The following CRAT variants were observed in gnomAD, a reference collection of about 807,000 sequenced individuals.
CRAT encodes carnitine acetylase.
A neutral mutation model predicts 73.7 loss-of-function variants in CRAT; 66 were observed. That is an observed-to-expected ratio of 0.90 (90% CI 0.73 to 1.10). CRAT has a LOEUF of 1.10. Among genes scored for constraint, CRAT ranks in the 50% least tolerant of loss-of-function variants. The pLI is 0.00. For missense variants in CRAT, 745 were observed against 846.9 expected (o/e 0.88, Z 1.49); for synonymous variants, 321 against 343.2 (o/e 0.94, Z 0.71).
Position 129,110,649 on chromosome 9 carries a change from G to C in CRAT, c.-140C>G, listed in dbSNP as rs1028454559. The C allele has an allele frequency of 1.9e-6, 2 of 1,048,838 alleles. No individual in the cohort carries two copies. The highest frequency in any genetic ancestry group is 2.6e-6 in the Non-Finnish European group (2 of 774,778). 65.0% of individuals were successfully genotyped at this position (1,048,838 alleles called of 1,614,324 possible). A position where few individuals can be genotyped will look rare whatever the true frequency, so the allele number is the denominator to read the frequency against. ...GGTCGCTGAGTTACAGCCGCCAGCC[G>C]GTAGAGGCAGCCCCGCGCCCACCCT... On this transcript the variant is annotated 5_prime_UTR_variant, in exon 1 of 14. Transcript: ENST00000318080. The surrounding 1 kb of genome is among the most constrained non-coding windows in gnomAD (Gnocchi z 5.3).
At chr9:129,105,917 C>T (rs1977447) in intron 2 of CRAT, among the ~76,000 whole-genome samples, 37,019 of 151,944 alleles carry the variant, frequency 0.24, 4,935 homozygotes, top group Admixed American at 0.32. Context: ...TCTGGCGCTG[C>T]GCACACTCCC....
chr9:129,105,614 G>A (rs1287472428), intron 2 of CRAT, among the ~76,000 whole-genome samples: 1 of 152,162 alleles, frequency 6.6e-6, no homozygotes, highest in African/African-American at 2.4e-5. Flanking sequence ...GAGCCACCGC[G>A]TCTGGCCCAA....
At position 129,107,949 on chromosome 9, in the gene CRAT, C is replaced by T; in HGVS notation, c.156G>A (p.Lys52=). The T allele has an allele frequency of 1.9e-6, 3 of 1,609,078 alleles. No individual in the cohort carries two copies. The highest frequency in any genetic ancestry group is 1.3e-5 in the African/African-American group (1 of 75,048). ...PLQQSLDHYL[K]ALQPIVSEEE... ...CCTCACTCACGATGGGCTGCAGCGC[C>T]TTCAGGTAGTGGTCCAGGGACTGCT... The change falls in exon 2 of 14, where the codon AAG becomes AAA. Residue 52 remains lysine (K), a synonymous_variant. Coordinates refer to ENST00000318080, the MANE Select transcript of CRAT (RefSeq NM_000755.5). This position sits in a 1 kb window ranked among gnomAD's most constrained non-coding sequence, Gnocchi z 5.0.
rs1158118992 is a variant in CRAT, at chr9:129,102,546, A to G, written c.484T>C (p.Tyr162His). 1 of 1,613,656 alleles carries G rather than the reference A, an allele frequency of 6.2e-7. No homozygotes were observed. The highest frequency in any genetic ancestry group is 8.5e-7 in the Non-Finnish European group (1 of 1,179,930). The change falls in exon 5 of 14, where the codon TAC (tyrosine) becomes CAC (histidine). Residue 162 changes from tyrosine (Y) to histidine (H), a missense_variant. Coordinates refer to ENST00000318080, the MANE Select transcript of CRAT (RefSeq NM_000755.5). ...ATGCACAGTGGCTTCCCCCCCAGGT[A>G]CTCCACGGGCAGGGTCTCGCTATGG... ...MIDNETLPVE[Y>H]LGGKPLCMNQ...
Position 129,098,584 on chromosome 9 carries a change from G to A in CRAT, c.1152C>T (p.Asn384=). 1 of 1,599,924 alleles carries A rather than the reference G, an allele frequency of 6.3e-7. No homozygotes were observed. Among genetic ancestry groups the A allele is most frequent in the Non-Finnish European group, 8.5e-7 (1 of 1,176,376 alleles). The change falls in exon 9 of 14, where the codon AAC becomes AAT. Residue 384 remains asparagine, a synonymous_variant. Transcript: ENST00000318080. ...TGTCGCTCTTGATCTCGGGGGTGAT[G>A]TTGAACCGCAGCTTCTTGGGCATGG... ...PLPMPKKLRF[N]ITPEIKSDIE...
In CRAT at chr9:129,107,688, C is replaced by T. The variant is rs1339940399; in HGVS notation, c.291+126G>A. 3 of 1,376,044 alleles carry T rather than the reference C, an allele frequency of 2.2e-6. No individual in the cohort carries two copies. The highest frequency in any genetic ancestry group is 2.4e-5 in the South Asian group (2 of 82,324). The allele number at this position is 1,376,044 out of a possible 1,614,324, so 85.2% of individuals were successfully genotyped here. A position where few individuals can be genotyped will look rare whatever the true frequency, so the allele number is the denominator to read the frequency against. ...TGATCACCCAGCACCCTGCCAAGTG[C>T]CAGACACAGAGTATGTGCTCACGAA... On this transcript the variant is annotated intron_variant, in intron 2 of 13. Transcript: ENST00000318080. This position sits in a 1 kb window ranked among gnomAD's most constrained non-coding sequence, Gnocchi z 5.0.
chr9:129,102,289 G>C, intron 5 of CRAT, 111 bp downstream of exon 5: 2 of 1,456,046 alleles, frequency 1.4e-6, no homozygotes, highest in Non-Finnish European at 1.9e-6. Context: ...CCATTCCTGG[G>C]GCACGTGGGC....
intron 1 of CRAT, chr9:129,108,347 G>T (rs1848151235): frequency 8.2e-7 from 1 of 1,220,850 alleles, no homozygotes; most frequent in Admixed American, 3.9e-5. Flanking sequence ...GGCACCTTTG[G>T]GGTGGCAGAG....
Position 129,106,749 on chromosome 9 carries a change from C to T in CRAT, c.291+1065G>A, listed in dbSNP as rs1276682814. 1.3e-5 allele frequency among the ~76,000 whole-genome samples: 2 copies of T among 152,182 alleles called. No individual in the cohort carries two copies. Among genetic ancestry groups the T allele is most frequent in the Non-Finnish European group, 2.9e-5 (2 of 68,038 alleles). On this transcript the variant is annotated intron_variant, in intron 2 of 13. Transcript: ENST00000318080. This position sits in a 1 kb window ranked among gnomAD's most constrained non-coding sequence, Gnocchi z 4.0. ...GCCCCAGGGCTAGAGCTCTACCTCC[C>T]CTCCCCATGGCACCCCCTATAACAC... is the stretch of plus-strand genomic sequence containing the variant.
chr9:129,098,135 C>T lies in CRAT; in HGVS notation c.1342G>A (p.Ala448Thr). The T allele has an allele frequency of 6.2e-7, 1 of 1,613,802 alleles. No homozygotes were observed. Among genetic ancestry groups the T allele is most frequent in the Non-Finnish European group, 8.5e-7 (1 of 1,180,026 alleles). Residue 448 changes from alanine to threonine, a missense_variant, in exon 11 of 14, where the codon GCA (alanine) becomes ACA (threonine). Transcript: ENST00000318080. ...GAGGCACTTTCATAGGTGGCACATG[C>T]CTGTCCGTAGATCCTGGTGGGAAAT... The part of the protein sequence containing the change: ...QLAYYRIYGQ[A>T]CATYESASLR...
At chr9:129,099,216 C>T (rs1364322635) in intron 8 of CRAT, among the ~76,000 whole-genome samples, 3 of 150,056 alleles carry the variant, frequency 2.0e-5, no homozygotes, top group African/African-American at 7.4e-5. Flanking sequence ...GATCTCAGCT[C>T]ACTGCAACCT....
At position 129,095,319 on chromosome 9, in the gene CRAT, C is replaced by G; in HGVS notation, c.*78G>C. On this transcript the variant is annotated 3_prime_UTR_variant, in exon 14 of 14. Transcript: ENST00000318080. ...AAGAGGGAACCAAGGAAGAGGGAAC[C>G]AAGGAGCTGAGCCCTGGTGGGTGGC... The G allele has an allele frequency of 1.4e-6, 2 of 1,467,820 alleles. No individual in the cohort carries two copies. The highest frequency in any genetic ancestry group is 1.9e-6 in the Non-Finnish European group (2 of 1,068,148). The allele number at this position is 1,467,820 out of a possible 1,614,324, so 90.9% of individuals were successfully genotyped here.
intron 1 of CRAT, chr9:129,108,485 A>G: frequency 8.6e-7 from 1 of 1,158,854 alleles, no homozygotes; most frequent in Non-Finnish European, 1.1e-6. Flanking sequence ...CACCCTTTCC[A>G]GGTTGAGAAA....
At chr9:129,099,990 G>A (rs747850448) in intron 7 of CRAT, 24 bp from the exon 8 acceptor site, 20 of 1,608,214 alleles carry the variant, frequency 1.2e-5, no homozygotes, top group South Asian at 3.3e-5. Context: ...GGGAGACCCC[G>A]GTCAGCCCCA....
chr9:129,109,175 C>A (rs1564172784), intron 1 of CRAT: 1 of 1,304,152 alleles, frequency 7.7e-7, no homozygotes, highest in Non-Finnish European at 1.0e-6. Context: ...AATAAAAAAT[C>A]CACCTGTCAG....
intron 7 of CRAT, 171 bp from the exon 8 acceptor site, chr9:129,100,137 A>T: frequency 3.3e-6 from 2 of 598,250 alleles, no homozygotes; most frequent in Non-Finnish European, 5.9e-6. Flanking sequence ...CTGGTGTGCT[A>T]AGCACATCCC....
At chr9:129,102,303 T>G in intron 5 of CRAT, 97 bp downstream of exon 5, 2 of 1,513,272 alleles carry the variant, frequency 1.3e-6, no homozygotes, top group Non-Finnish European at 1.8e-6. Flanking sequence ...CGTGGGCACG[T>G]GTGCTGGGGA....
chr9:129,098,804 TTTTTC>T (rs1160318015), intron 8 of CRAT, among the ~76,000 whole-genome samples, 154 bp from the exon 9 acceptor site: 1 of 78,014 alleles, frequency 1.3e-5, no homozygotes, highest in Non-Finnish European at 2.3e-5. Flanking sequence ...CTTCAGCTTT[TTTTTC>T]TTTTTTCTTT....
At chr9:129,102,284 C>G in intron 5 of CRAT, 116 bp downstream of exon 5, 1 of 1,446,632 alleles carries the variant, frequency 6.9e-7, no homozygotes, top group Admixed American at 1.8e-5. Flanking sequence ...GGCGCCCATT[C>G]CTGGGGCACG....
Sources: gnomAD v4.1 joint callset for allele counts (sites outside exome capture counted in the v4.1 genomes callset) on GRCh38, gnomAD v4.1.1 for gene constraint, Gnocchi (gnomAD v3.1) non-coding constraint, MANE v1.5 for transcripts, NCBI Gene and HGNC (gene_info 2026-07-23, HGNC 2026-07-21) for gene names.